PXDN: variants seen among roughly 807,000 people sequenced by gnomAD.
The protein encoded by PXDN is peroxidasin, also known as peroxidasin homolog.
Under a neutral mutation model 140.3 loss-of-function variants are expected in PXDN, and 77 were observed. That is an observed-to-expected ratio of 0.55 (90% CI 0.46 to 0.66). The LOEUF (loss-of-function observed/expected upper bound fraction) is 0.66. PXDN is among the 30% of genes least tolerant of loss of function. PXDN has a pLI of 0.00. For missense variants in PXDN, 1,838 were observed against 2,039.5 expected, an observed-to-expected ratio of 0.90 and a Z score of 1.90; for synonymous variants, 911 against 857.4, an observed-to-expected ratio of 1.06 and a Z score of -1.09.
chr2:1,653,353 G>T, intron 16 of PXDN: 1 of 458,426 alleles, frequency 2.2e-6, no homozygotes, highest in Non-Finnish European at 4.1e-6. Context: ...CCCTGGCCAG[G>T]ATGGCATAAC....
intron 1 of PXDN, among the ~76,000 whole-genome samples, chr2:1,717,851 C>T (rs1417590180): frequency 3.3e-5 from 5 of 150,174 alleles, no homozygotes; most frequent in South Asian, 2.1e-4. Flanking sequence ...ACCCACTAAC[C>T]GACCACCCAA....
chr2:1,634,824 C>T (rs1490610087), intron 22 of PXDN, among the ~76,000 whole-genome samples: 3 of 152,216 alleles, frequency 2.0e-5, no homozygotes, highest in African/African-American at 7.2e-5. Context: ...AGTGCCCGGG[C>T]TGGCGCGCTG....
chr2:1,673,886 G>A, intron 8 of PXDN, 74 bp from the exon 9 acceptor site: 1 of 1,523,152 alleles, frequency 6.6e-7, no homozygotes, highest in African/African-American at 1.4e-5. Context: ...CCAGCACAGG[G>A]GTTTCCAGCC....
intron 7 of PXDN, among the ~76,000 whole-genome samples, chr2:1,677,637 G>A (rs905530883): frequency 1.3e-5 from 2 of 151,082 alleles, no homozygotes; most frequent in South Asian, 2.1e-4. Flanking sequence ...GAGGGCTGAC[G>A]GCTCCCAGGC....
Position 1,691,974 on chromosome 2 carries a change from T to C in PXDN, c.298A>G (p.Arg100Gly), listed in dbSNP as rs781009463. 71 of 1,530,618 alleles carry C rather than the reference T, an allele frequency of 4.6e-5. No homozygotes were observed. Among genetic ancestry groups the C allele is most frequent in the African/African-American group, 6.9e-5 (5 of 72,426 alleles). 94.8% of individuals were successfully genotyped at this position (1,530,618 alleles called of 1,614,324 possible). A position where few individuals can be genotyped will look rare whatever the true frequency, so the allele number is the denominator to read the frequency against. The change falls in exon 3 of 23, where the codon AGG (arginine) becomes GGG (glycine). Residue 100 changes from arginine (R) to glycine (G), a missense_variant. Physicochemically the swap from Arg to Gly is moderately radical, Grantham distance 125. Around this residue, in one of 5 missense-constraint regions of PXDN, gnomAD observed 231 missense variants for 201.5 expected, o/e 1.15. Transcript: ENST00000252804. Reference protein sequence around the residue: ...TLLLNNNQIKRIPSGAFEDLE... With the variant: ...TLLLNNNQIKGIPSGAFEDLE... ...TCTTCAAATGCTCCACTAGGTATCC[T>C]CTTGATCTGATTATTATTGAGAAGC...
chr2:1,720,724 T>TCTCTCACACACA (rs1410992286), intron 1 of PXDN, among the ~76,000 whole-genome samples: 2 of 28,114 alleles, frequency 7.1e-5, no homozygotes, highest in Admixed American at 5.8e-4. Context: ...TCTCTCTCTC[T>TCTCTCACACACA]CACACACACA....
rs1432108226 is a variant in PXDN, at chr2:1,639,346, C to A, written c.4029G>T (p.Gln1343His). ...RGRRSLEFSY[Q>H]EDKPTKKTRP... Reference sequence around the variant, plus strand: ...TTGTTTTCTTGGTCGGCTTGTCCTCCTGGTAGCTGAACTCAAGAGACCGTC... The same window carrying A: ...TTGTTTTCTTGGTCGGCTTGTCCTCATGGTAGCTGAACTCAAGAGACCGTC... Residue 1343 changes from glutamine (Q) to histidine (H), a missense_variant, in exon 20 of 23, where the codon CAG becomes CAT. By Grantham distance (24) the Gln-to-His change is conservative. Transcript: ENST00000252804. This position sits in a 1 kb window ranked among gnomAD's most constrained non-coding sequence, Gnocchi z 5.0. The A allele has an allele frequency of 3.1e-6, 5 of 1,613,890 alleles. No homozygotes were observed. The highest frequency in any genetic ancestry group is 4.2e-6 in the Non-Finnish European group (5 of 1,179,874).
chr2:1,638,780 G>T, intron 21 of PXDN, 66 bp downstream of exon 21: 1 of 1,604,144 alleles, frequency 6.2e-7, no homozygotes, highest in Non-Finnish European at 8.5e-7. Context: ...TACCCAGAAG[G>T]TTCGGGCAGG....
At chr2:1,738,927 G>T (rs1685477572) in intron 1 of PXDN, among the ~76,000 whole-genome samples, 2 of 152,212 alleles carry the variant, frequency 1.3e-5, no homozygotes, top group South Asian at 4.1e-4. Flanking sequence ...TCTGTTTACA[G>T]ACTTAATTTT....
At chr2:1,696,597 AAC>A (rs1241879173) in intron 1 of PXDN, among the ~76,000 whole-genome samples, 1 of 152,232 alleles carries the variant, frequency 6.6e-6, no homozygotes, top group African/African-American at 2.4e-5. Context: ...TAATCTGAGG[AAC>A]AGAGATGAAG....
chr2:1,648,912 G>A lies in PXDN; in HGVS notation c.2868C>T (p.Pro956=). ...CGTTCTCGTCCCGCATGCACTCCGT[G>A]GGCGGCCCGGTGGCGAAGGGGAGCA... is the stretch of plus-strand genomic sequence containing the variant. ...KPLLPFATGP[P]TECMRDENES... The change falls in exon 17 of 23, where the codon CCC becomes CCT. Residue 956 remains proline, a synonymous_variant. Transcript: ENST00000252804. The surrounding 1 kb of genome is among the most constrained non-coding windows in gnomAD (Gnocchi z 8.9). The A allele has an allele frequency of 1.2e-6, 2 of 1,601,366 alleles. No homozygotes were observed. The highest frequency in any genetic ancestry group is 1.7e-6 in the Non-Finnish European group (2 of 1,175,220).
At chr2:1,677,923 AGT>A (rs146499278) in intron 7 of PXDN, among the ~76,000 whole-genome samples, 9 of 151,976 alleles carry the variant, frequency 5.9e-5, no homozygotes, top group African/African-American at 2.2e-4. Flanking sequence ...CACGGGTACG[AGT>A]GTGTGTGTGT....
Position 1,714,207 on chromosome 2 carries a change from T to C in PXDN, c.201-21073A>G, listed in dbSNP as rs1225087532. ...TGCTCTTACATCTGCACTTGATTAC[T>C]ATGGATTTACACGTCACACCCGCAG... On this transcript the variant is annotated intron_variant, in intron 1 of 22. Coordinates refer to ENST00000252804, the MANE Select transcript of PXDN (RefSeq NM_012293.3). The surrounding 1 kb of genome is among the most constrained non-coding windows in gnomAD (Gnocchi z 4.3). Among the ~76,000 whole-genome samples the C allele has an allele frequency of 6.6e-6, 1 of 152,244 alleles. No homozygotes were observed.
intron 16 of PXDN, among the ~76,000 whole-genome samples, chr2:1,650,580 C>T (rs931292813): frequency 2.0e-5 from 3 of 152,198 alleles, no homozygotes; most frequent in Non-Finnish European, 2.9e-5. Flanking sequence ...ACACTCAGAT[C>T]TCTGTGTTCG....
intron 16 of PXDN, among the ~76,000 whole-genome samples, chr2:1,650,046 C>A (rs1358961393): frequency 6.6e-6 from 1 of 152,114 alleles, no homozygotes; most frequent in Non-Finnish European, 1.5e-5. Flanking sequence ...TCACTTTAAA[C>A]GCCCCGTGTA....
intron 8 of PXDN, 23 bp downstream of exon 8, chr2:1,676,904 A>T (rs1372134881): frequency 6.3e-7 from 1 of 1,594,548 alleles, no homozygotes; most frequent in Admixed American, 1.7e-5. Flanking sequence ...GCACAGGGGC[A>T]TTTCTGTTTG....
intron 16 of PXDN, among the ~76,000 whole-genome samples, chr2:1,650,053 T>C (rs1478646649): frequency 6.6e-6 from 1 of 152,038 alleles, no homozygotes; most frequent in African/African-American, 2.4e-5. Context: ...AAACGCCCCG[T>C]GTAAGAGACA....
intron 1 of PXDN, among the ~76,000 whole-genome samples, chr2:1,702,849 A>T (rs1420476381): frequency 1.3e-5 from 2 of 151,564 alleles, no homozygotes; most frequent in Non-Finnish European, 2.9e-5. Flanking sequence ...CTGGTCTCGA[A>T]CTCCTGACCT....
At chr2:1,694,630 C>T (rs546180291) in intron 1 of PXDN, among the ~76,000 whole-genome samples, 85 of 152,362 alleles carry the variant, frequency 5.6e-4, no homozygotes, top group African/African-American at 1.6e-3. Context: ...CCTCCCCCTG[C>T]ACCGCCATGC....
Sources: allele counts gnomAD v4.1 joint callset (sites outside exome capture counted in the v4.1 genomes callset), GRCh38; gene constraint gnomAD v4.1.1; regional missense constraint gnomAD v4.1.1; non-coding constraint Gnocchi (gnomAD v3.1); transcripts MANE v1.5; gene names NCBI Gene and HGNC (gene_info 2026-07-23, HGNC 2026-07-21).